ASAP2: variants seen among roughly 807,000 people sequenced by gnomAD.
ASAP2 encodes ArfGAP with SH3 domain, ankyrin repeat and PH domain 2.
A neutral mutation model predicts 131.4 loss-of-function variants in ASAP2; 45 were observed. The observed-to-expected ratio is 0.34, with a 90% CI of 0.27 to 0.44. ASAP2 has a LOEUF of 0.44. Among genes scored for constraint, ASAP2 ranks in the 20% least tolerant of loss-of-function variants. ASAP2 has a pLI of 1.00. For synonymous variants in ASAP2, 510 were observed against 503.0 expected, an observed-to-expected ratio of 1.01 and a Z score of -0.19; for missense variants, 1,011 against 1,297.0, an observed-to-expected ratio of 0.78 and a Z score of 3.39.
In ASAP2 at chr2:9,400,047, C is replaced by A; in HGVS notation, c.2709C>A (p.Thr903=). The A allele has an allele frequency of 6.2e-7, 1 of 1,613,374 alleles. No homozygotes were observed. Among genetic ancestry groups the A allele is most frequent in the Non-Finnish European group, 8.5e-7 (1 of 1,179,738 alleles). Residue 903 remains threonine (T), a synonymous_variant, in exon 25 of 28, where the codon ACC becomes ACA. Coordinates refer to ENST00000281419, the MANE Select transcript of ASAP2 (RefSeq NM_003887.3). The part of the protein sequence containing the change: ...APGADKSTPL[T]NKGQPRGPVD... ...GGGCTGACAAGTCCACCCCACTGAC[C>A]AACAAAGGCCAACCGAGAGGACCTG...
intron 11 of ASAP2, among the ~76,000 whole-genome samples, chr2:9,349,773 C>T (rs1393396555): frequency 1.3e-5 from 2 of 152,232 alleles, no homozygotes; most frequent in Admixed American, 6.5e-5. Flanking sequence ...CCCACCCTAA[C>T]TCTGTAGACT....
chr2:9,383,676 C>T (rs1377234668), intron 20 of ASAP2, among the ~76,000 whole-genome samples: 1 of 152,166 alleles, frequency 6.6e-6, no homozygotes, highest in Non-Finnish European at 1.5e-5. Context: ...CTTTCAAGTT[C>T]CCTAACAAGA....
intron 3 of ASAP2, among the ~76,000 whole-genome samples, chr2:9,298,873 G>A (rs898491196): frequency 6.6e-6 from 1 of 152,158 alleles, no homozygotes; most frequent in Non-Finnish European, 1.5e-5. Context: ...CAGCATGAGG[G>A]AGACCAGAAA....
chr2:9,373,964 G>A (rs113171957), intron 16 of ASAP2, among the ~76,000 whole-genome samples: 3,653 of 152,318 alleles, frequency 0.024, 139 homozygotes, highest in African/African-American at 0.083. Flanking sequence ...GTGTGTTGAC[G>A]CACATACGTC....
chr2:9,242,762 C>A (rs565802684), intron 1 of ASAP2, among the ~76,000 whole-genome samples: 20 of 152,174 alleles, frequency 1.3e-4, no homozygotes, highest in Non-Finnish European at 2.4e-4. Context: ...TTTCTCACCT[C>A]CTTTATGGAG....
chr2:9,315,318 G>A (rs1337118173), intron 3 of ASAP2, among the ~76,000 whole-genome samples: 1 of 152,238 alleles, frequency 6.6e-6, no homozygotes, highest in Non-Finnish European at 1.5e-5. Context: ...GGAAGCCATA[G>A]CCTTAGTCCT....
At chr2:9,315,400 T>C (rs1384838662) in intron 3 of ASAP2, among the ~76,000 whole-genome samples, 1 of 152,052 alleles carries the variant, frequency 6.6e-6, no homozygotes, top group African/African-American at 2.4e-5. Context: ...GGAAGACGGG[T>C]CTGCGTATGT....
chr2:9,332,327 G>A (rs1035247848), intron 7 of ASAP2, among the ~76,000 whole-genome samples: 6 of 152,048 alleles, frequency 3.9e-5, no homozygotes, highest in African/African-American at 9.7e-5. Flanking sequence ...TTCTCCTGAC[G>A]CCAGGGCTGA....
intron 23 of ASAP2, among the ~76,000 whole-genome samples, chr2:9,393,231 C>T (rs1041046466): frequency 6.6e-6 from 1 of 150,806 alleles, no homozygotes; most frequent in African/African-American, 2.5e-5. Context: ...TGAGAAAATA[C>T]TCACTCACAG....
chr2:9,290,077 G>A (rs1667717935), intron 2 of ASAP2, among the ~76,000 whole-genome samples: 2 of 152,202 alleles, frequency 1.3e-5, no homozygotes, highest in South Asian at 4.1e-4. Flanking sequence ...AACCCCTTCT[G>A]GTTGTGGCTA....
At chr2:9,305,979 G>C (rs1251827987) in intron 3 of ASAP2, among the ~76,000 whole-genome samples, 1 of 132,702 alleles carries the variant, frequency 7.5e-6, no homozygotes. Flanking sequence ...TGTAGTAGTG[G>C]GGTATAGATA....
intron 1 of ASAP2, among the ~76,000 whole-genome samples, chr2:9,252,118 A>G (rs1664752478): frequency 6.6e-6 from 1 of 152,170 alleles, no homozygotes; most frequent in African/African-American, 2.4e-5. Context: ...GTTAACACAC[A>G]CTGTGAGGTG....
At chr2:9,259,754 G>T (rs1665446053) in intron 1 of ASAP2, among the ~76,000 whole-genome samples, 1 of 152,214 alleles carries the variant, frequency 6.6e-6, no homozygotes, top group African/African-American at 2.4e-5. Flanking sequence ...TTAGCGCAGA[G>T]ATCTTCAGAT....
chr2:9,385,105 GGGGCTTCACCTGA>G, intron 20 of ASAP2, 127 bp from the exon 21 acceptor site: 1 of 625,824 alleles, frequency 1.6e-6, no homozygotes, highest in Non-Finnish European at 2.8e-6. Flanking sequence ...CAGAGGGGCG[GGGGCTTCACCTGA>G]GACCCAGAGA....
At chr2:9,227,285 G>A (rs1166292646) in intron 1 of ASAP2, among the ~76,000 whole-genome samples, 1 of 152,120 alleles carries the variant, frequency 6.6e-6, no homozygotes, top group African/African-American at 2.4e-5. Flanking sequence ...GGGGACTTGG[G>A]GTTGTGCGCC....
At chr2:9,224,770 T>G (rs1662650359) in intron 1 of ASAP2, among the ~76,000 whole-genome samples, 2 of 152,274 alleles carry the variant, frequency 1.3e-5, no homozygotes, top group Non-Finnish European at 2.9e-5. Context: ...TCCATCCATC[T>G]GTCCATTTAT....
At chr2:9,236,932 C>T (rs531778525) in intron 1 of ASAP2, among the ~76,000 whole-genome samples, 19 of 152,256 alleles carry the variant, frequency 1.2e-4, no homozygotes, top group Admixed American at 1.0e-3. Context: ...AGATCCCCCC[C>T]GAGGCTGGTG....
intron 1 of ASAP2, among the ~76,000 whole-genome samples, chr2:9,242,852 C>T (rs1209982370): frequency 6.6e-6 from 1 of 152,144 alleles, no homozygotes; most frequent in Non-Finnish European, 1.5e-5. Flanking sequence ...GACTATTACA[C>T]GTGTTCAGAC....
intron 3 of ASAP2, among the ~76,000 whole-genome samples, chr2:9,310,297 C>T (rs1408413829): frequency 1.4e-4 from 21 of 152,200 alleles, no homozygotes; most frequent in Admixed American, 1.4e-3. Flanking sequence ...TGACATGATG[C>T]AGGCAAGCCT....
Sources: allele counts gnomAD v4.1 joint callset (sites outside exome capture counted in the v4.1 genomes callset), GRCh38; gene constraint gnomAD v4.1.1; transcripts MANE v1.5; gene names NCBI Gene and HGNC (gene_info 2026-07-23, HGNC 2026-07-21).